SLC24A2: variants seen among roughly 807,000 people sequenced by gnomAD.
SLC24A2 encodes solute carrier family 24 member 2.
Under a neutral mutation model 62.0 loss-of-function variants are expected in SLC24A2, and 36 were observed. The ratio of observed to expected loss-of-function variants is 0.58; its 90% CI spans 0.44 to 0.77. The LOEUF is 0.77. SLC24A2 is among the 30% of genes least tolerant of loss of function. The pLI is 0.00. For missense variants in SLC24A2, 846 were observed against 817.9 expected (o/e 1.03, Z -0.42); for synonymous variants, 358 against 294.0 (o/e 1.22, Z -2.23).
At chr9:19,633,387 G>A (rs893497942) in intron 2 of SLC24A2, among the ~76,000 whole-genome samples, 1 of 152,188 alleles carries the variant, frequency 6.6e-6, no homozygotes, top group African/African-American at 2.4e-5. Flanking sequence ...ATTTTCCAGA[G>A]TGCTGTACCA....
At chr9:20,044,689 T>G in the SLC24A2 span, among the ~76,000 whole-genome samples, 1 of 152,174 alleles carries the variant, frequency 6.6e-6, no homozygotes, top group Non-Finnish European at 1.5e-5. Context: ...GCTATAAAGC[T>G]CCAAAGAAAT....
chr9:20,266,283 C>T, the SLC24A2 span, among the ~76,000 whole-genome samples: 1 of 152,096 alleles, frequency 6.6e-6, no homozygotes, highest in Non-Finnish European at 1.5e-5. Context: ...GTGATGTCTC[C>T]CCCGGACACC....
intron 7 of SLC24A2, among the ~76,000 whole-genome samples, chr9:19,566,208 T>C (rs1022377016): frequency 3.3e-5 from 5 of 149,608 alleles, no homozygotes; most frequent in African/African-American, 4.9e-5. Flanking sequence ...ATTTTTGCAA[T>C]CTACTCATCT....
chr9:19,532,868 A>G (rs1229282968), intron 8 of SLC24A2, among the ~76,000 whole-genome samples: 2 of 152,228 alleles, frequency 1.3e-5, no homozygotes, highest in Non-Finnish European at 2.9e-5. Flanking sequence ...TTCATATCTC[A>G]TTAGATGCAT....
At position 19,600,568 on chromosome 9, in the gene SLC24A2, T is replaced by C. The variant is rs151256005; in HGVS notation, c.1079-3289A>G. Among the ~76,000 whole-genome samples, 102 of 152,320 alleles carry C rather than the reference T, an allele frequency of 6.7e-4. No homozygotes were observed. In the Middle Eastern group the frequency reaches 0.01, roughly 15 times the overall value. ...ATCATCCTCGAACAGTGAACAATAA[T>C]GTGTGGTCATTACTGTGGATCATGC... On this transcript the variant is annotated intron_variant, in intron 4 of 10. Transcript: ENST00000341998.
chr9:19,977,769 T>C, the SLC24A2 span, among the ~76,000 whole-genome samples: 1 of 151,996 alleles, frequency 6.6e-6, no homozygotes, highest in Non-Finnish European at 1.5e-5. Context: ...TTGAAGGTAT[T>C]TAGAAAGAAG....
chr9:19,636,743 GT>G (rs1379832857), intron 2 of SLC24A2, among the ~76,000 whole-genome samples: 3 of 151,976 alleles, frequency 2.0e-5, no homozygotes, highest in Non-Finnish European at 4.4e-5. Flanking sequence ...CAGTACTAGG[GT>G]TTTTAATTTG....
At chr9:20,111,515 G>T in the SLC24A2 span, among the ~76,000 whole-genome samples, 1 of 152,072 alleles carries the variant, frequency 6.6e-6, no homozygotes, top group African/African-American at 2.4e-5. Context: ...ATTTGAATAT[G>T]CCATCTGTTT....
At chr9:19,542,281 C>T (rs570901667) in intron 8 of SLC24A2, among the ~76,000 whole-genome samples, 3 of 152,308 alleles carry the variant, frequency 2.0e-5, no homozygotes, top group African/African-American at 4.8e-5. Context: ...TGATTTTTTG[C>T]ACATTGATAT....
intron 2 of SLC24A2, among the ~76,000 whole-genome samples, chr9:19,692,219 G>C (rs1820064825): frequency 6.6e-6 from 1 of 152,060 alleles, no homozygotes; most frequent in Non-Finnish European, 1.5e-5. Context: ...ACCACATTAA[G>C]CAGAACAAGT....
chr9:19,590,885 A>G (rs1159025818), intron 5 of SLC24A2, among the ~76,000 whole-genome samples: 4 of 152,064 alleles, frequency 2.6e-5, no homozygotes, highest in Non-Finnish European at 4.4e-5. Context: ...TTCTCTTTCT[A>G]CTACAAGAAA....
At chr9:20,213,740 A>G in the SLC24A2 span, among the ~76,000 whole-genome samples, 53 of 152,230 alleles carry the variant, frequency 3.5e-4, no homozygotes, top group Non-Finnish European at 6.6e-4. Context: ...AGGAACTTAA[A>G]AACTTATGTA....
At chr9:19,578,669 C>T (rs1333239108) in intron 5 of SLC24A2, among the ~76,000 whole-genome samples, 1 of 151,958 alleles carries the variant, frequency 6.6e-6, no homozygotes, top group East Asian at 1.9e-4. Flanking sequence ...GCTTCTTTTC[C>T]TAGGATAAAG....
the SLC24A2 span, among the ~76,000 whole-genome samples, chr9:19,951,055 G>A: frequency 6.6e-6 from 1 of 152,158 alleles, no homozygotes; most frequent in Non-Finnish European, 1.5e-5. Flanking sequence ...ACACATTGCT[G>A]AAGAGCAGGT....
At chr9:20,006,896 C>T in the SLC24A2 span, among the ~76,000 whole-genome samples, 10 of 152,158 alleles carry the variant, frequency 6.6e-5, no homozygotes, top group African/African-American at 2.2e-4. Flanking sequence ...GTACACAGTG[C>T]TTGCCTTCCT....
chr9:20,044,488 G>A, the SLC24A2 span, among the ~76,000 whole-genome samples: 1 of 152,122 alleles, frequency 6.6e-6, no homozygotes, highest in South Asian at 2.1e-4. Flanking sequence ...AGGCAGGGTT[G>A]TGCTCATGGC....
At chr9:19,533,309 C>G (rs1833795172) in intron 8 of SLC24A2, among the ~76,000 whole-genome samples, 1 of 152,128 alleles carries the variant, frequency 6.6e-6, no homozygotes. Context: ...CCTCTCTTTC[C>G]TCTCCGTATG....
At chr9:19,597,892 T>G (rs939014141) in intron 4 of SLC24A2, among the ~76,000 whole-genome samples, 2 of 152,046 alleles carry the variant, frequency 1.3e-5, no homozygotes, top group Non-Finnish European at 2.9e-5. Context: ...CCAGCTCAGA[T>G]AAGTGACAGG....
At chr9:20,221,828 C>T in the SLC24A2 span, among the ~76,000 whole-genome samples, 2 of 151,966 alleles carry the variant, frequency 1.3e-5, no homozygotes, top group South Asian at 2.1e-4. Context: ...TCCAGTCTTT[C>T]AACTGTATTG....
Sources: gnomAD v4.1 joint callset for allele counts (sites outside exome capture counted in the v4.1 genomes callset) on GRCh38, gnomAD v4.1.1 for gene constraint, MANE v1.5 for transcripts, NCBI Gene and HGNC (gene_info 2026-07-23, HGNC 2026-07-21) for gene names.